Variants in SLC25A44 observed in about 807,000 individuals in gnomAD.
The protein encoded by SLC25A44 is solute carrier family 25 member 44.
A neutral mutation model predicts 29.9 loss-of-function variants in SLC25A44; 17 were observed. The ratio of observed to expected loss-of-function variants is 0.57; its 90% CI spans 0.39 to 0.85. The LOEUF (loss-of-function observed/expected upper bound fraction) is 0.85, where lower values mean the gene tolerates loss of function less well. Among genes scored for constraint, SLC25A44 ranks in the 40% least tolerant of loss-of-function variants. The pLI, the probability that SLC25A44 is intolerant of heterozygous loss-of-function variation, is 0.00. For missense variants in SLC25A44, 302 were observed against 398.4 expected (o/e 0.76, Z 2.06); for synonymous variants, 140 against 151.8 (o/e 0.92, Z 0.57).
Position 156,200,078 on chromosome 1 carries a change from C to G in SLC25A44, c.231C>G (p.Phe77Leu). The change falls in exon 2 of 4, where the codon TTC becomes TTG. Residue 77 changes from phenylalanine to leucine, a missense_variant. Phe to Leu is a conservative substitution (Grantham distance 22). Transcript: ENST00000359511. ...ADGITGLYRG[F>L]LVNTFTLISG... Reference sequence around the variant, plus strand: ...GTATCACTGGCCTCTACCGAGGGTTCCTGGTCAATACCTTCACCCTCATCT... The same window carrying G: ...GTATCACTGGCCTCTACCGAGGGTTGCTGGTCAATACCTTCACCCTCATCT... 5 of 1,614,172 alleles carry G rather than the reference C, an allele frequency of 3.1e-6. No individual in the cohort carries two copies. The highest frequency in any genetic ancestry group is 4.2e-6 in the Non-Finnish European group (5 of 1,180,034).
intron 1 of SLC25A44, among the ~76,000 whole-genome samples, chr1:156,195,322 C>G (rs1337237663): frequency 1.3e-5 from 2 of 152,054 alleles, no homozygotes; most frequent in Non-Finnish European, 2.9e-5. Flanking sequence ...CCAGGATGGT[C>G]TCGATCTCCT....
chr1:156,194,126 G>A lies in SLC25A44; in HGVS notation c.-135G>A, dbSNP rs1474708293. Reference sequence around the variant, plus strand: ...GCAGTACCGGTAGCCCAGTCGAGATGGAGGAAGATGCGACCGGCAGACGGC... The same window carrying A: ...GCAGTACCGGTAGCCCAGTCGAGATAGAGGAAGATGCGACCGGCAGACGGC... On this transcript the variant is annotated 5_prime_UTR_variant, in exon 1 of 4. It removes an upstream start codon present in the reference 5' UTR. Coordinates refer to ENST00000359511, the MANE Select transcript of SLC25A44 (RefSeq NM_014655.4). 3.3e-5 allele frequency: 5 copies of A among 152,830 alleles called. No individual in the cohort carries two copies. Among genetic ancestry groups the A allele is most frequent in the African/African-American group, 2.4e-5 (1 of 41,452 alleles). The allele number at this position is 152,830 out of a possible 1,614,324, so 9.5% of individuals were successfully genotyped here.
rs1558178175 is a variant in SLC25A44, at chr1:156,200,425, A to G, written c.578A>G (p.Tyr193Cys). ...GGCTATGTGGCTTCACTGCTTACCT[A>G]TATCCCAAACAGTGCTGTCTGGTGG... is the stretch of plus-strand genomic sequence containing the variant. ...YRGYVASLLT[Y>C]IPNSAVWWPF... The change falls in exon 2 of 4, where the codon TAT becomes TGT. Residue 193 changes from tyrosine (Y) to cysteine (C), a missense_variant. Physicochemically the swap from Tyr to Cys is radical, Grantham distance 194. Coordinates refer to ENST00000359511, the MANE Select transcript of SLC25A44 (RefSeq NM_014655.4). 4.3e-6 allele frequency: 7 copies of G among 1,613,534 alleles called. No individual in the cohort carries two copies. The highest frequency in any genetic ancestry group is 5.9e-6 in the Non-Finnish European group (7 of 1,179,924).
At chr1:156,207,077 C>T (rs958779395) in intron 2 of SLC25A44, among the ~76,000 whole-genome samples, 5 of 152,270 alleles carry the variant, frequency 3.3e-5, no homozygotes, top group African/African-American at 9.6e-5. Flanking sequence ...GTGGCTCCTA[C>T]CTGTAATTCC....
chr1:156,207,400 T>C (rs549225665), intron 2 of SLC25A44, among the ~76,000 whole-genome samples: 21 of 152,186 alleles, frequency 1.4e-4, no homozygotes, highest in South Asian at 2.1e-4. Flanking sequence ...AGGATGGTCT[T>C]GATCTCCTGA....
rs1308159882 is a variant in SLC25A44 at position 156,199,927 on chromosome 1, T to C, written c.80T>C (p.Met27Thr). The C allele has an allele frequency of 6.2e-7, 1 of 1,614,032 alleles. No individual in the cohort carries two copies. Among genetic ancestry groups the C allele is most frequent in the Non-Finnish European group, 8.5e-7 (1 of 1,180,028 alleles). ...KKKFYVFGVAMTMMIRVSVYP... is the reference protein window; with the variant it reads ...KKKFYVFGVATTMMIRVSVYP... Reference sequence around the variant, plus strand: ...AAGTTCTACGTGTTTGGTGTGGCAATGACAATGATGATCCGTGTCAGTGTC... The same window carrying C: ...AAGTTCTACGTGTTTGGTGTGGCAACGACAATGATGATCCGTGTCAGTGTC... The change falls in exon 2 of 4, where the codon ATG (methionine) becomes ACG (threonine). Residue 27 changes from methionine to threonine, a missense_variant. Coordinates refer to ENST00000359511, the MANE Select transcript of SLC25A44 (RefSeq NM_014655.4).
chr1:156,211,056 TTGTGTG>T lies in SLC25A44; in HGVS notation c.*665_*670del, dbSNP rs58631766. On this transcript the variant is annotated 3_prime_UTR_variant, in exon 4 of 4. Transcript: ENST00000359511. ...TGGGAGAAATGTTGATACTTTTGTT[TTGTGTG>T]TGTGTGTGTGTGTGTGTGTGTGTGT... 535 of 138,974 alleles carry T rather than the reference TTGTGTG, an allele frequency of 3.8e-3. 1 individual carries two copies. Among genetic ancestry groups the T allele is most frequent in the East Asian group, 0.012 (55 of 4,624 alleles). The allele number at this position is 138,974 out of a possible 1,614,324, so 8.6% of individuals were successfully genotyped here. A position where few individuals can be genotyped will look rare whatever the true frequency, so the allele number is the denominator to read the frequency against.
chr1:156,194,538 G>A (rs1474892741), intron 1 of SLC25A44, among the ~76,000 whole-genome samples: 4 of 152,192 alleles, frequency 2.6e-5, no homozygotes, highest in African/African-American at 7.2e-5. Flanking sequence ...TTGTCATGTG[G>A]TGTCTGTGAT....
Position 156,200,458 on chromosome 1 carries a change from A to G in SLC25A44, c.611A>G (p.Tyr204Cys). The change falls in exon 2 of 4, where the codon TAT (tyrosine) becomes TGT (cysteine). Residue 204 changes from tyrosine to cysteine, a missense_variant. Physicochemically the swap from Tyr to Cys is radical, Grantham distance 194. Coordinates refer to ENST00000359511, the MANE Select transcript of SLC25A44 (RefSeq NM_014655.4). ...IPNSAVWWPF[Y>C]HFYAEQLSYL... ...AACAGTGCTGTCTGGTGGCCCTTCTATCACTTCTATGCAGGTAAGCAGGGG... is the reference window on the plus strand; with the variant it reads ...AACAGTGCTGTCTGGTGGCCCTTCTGTCACTTCTATGCAGGTAAGCAGGGG... 7.5e-6 allele frequency: 12 copies of G among 1,608,502 alleles called. No homozygotes were observed. The highest frequency in any genetic ancestry group is 1.0e-5 in the Non-Finnish European group (12 of 1,177,290).
chr1:156,202,775 C>G (rs998315699), intron 2 of SLC25A44, among the ~76,000 whole-genome samples: 2 of 152,138 alleles, frequency 1.3e-5, no homozygotes, highest in African/African-American at 4.8e-5. Flanking sequence ...GGGGAGGAAA[C>G]TAACATTTAT....
chr1:156,199,080 AG>A (rs1656385565), intron 1 of SLC25A44: 1 of 152,408 alleles, frequency 6.6e-6, no homozygotes, highest in South Asian at 2.1e-4. Flanking sequence ...GGGGAGGTTG[AG>A]GGGGGTGCCC....
chr1:156,199,769 C>A, intron 1 of SLC25A44, 66 bp from the exon 2 acceptor site: 2 of 1,416,252 alleles, frequency 1.4e-6, no homozygotes, highest in East Asian at 2.3e-5. Context: ...CAGAGCCCAG[C>A]CAGAAGGGGA....
rs555257351 is a variant in SLC25A44 at position 156,201,070 on chromosome 1, G to A, written c.625+598G>A. On this transcript the variant is annotated intron_variant, in intron 2 of 3. Coordinates refer to ENST00000359511, the MANE Select transcript of SLC25A44 (RefSeq NM_014655.4). ...AGGCTGGTCTTGAGCTCCTGACCTCGTGATCTGCCCGCCTCGGCCTCCCAA... is the reference window on the plus strand; with the variant it reads ...AGGCTGGTCTTGAGCTCCTGACCTCATGATCTGCCCGCCTCGGCCTCCCAA... Among the ~76,000 whole-genome samples, 3 of 151,974 alleles carry A rather than the reference G, an allele frequency of 2.0e-5. No homozygotes were observed. In the East Asian group the frequency reaches 5.8e-4, roughly 29 times the overall value.
chr1:156,196,961 T>C (rs1656246702), intron 1 of SLC25A44: 1 of 152,250 alleles, frequency 6.6e-6, no homozygotes, highest in Non-Finnish European at 1.5e-5. Flanking sequence ...TCTTGGCTCA[T>C]ATCTGCCTCT....
chr1:156,212,754 G>A lies in SLC25A44; in HGVS notation c.*2323G>A, dbSNP rs1801776. 1.0e-5 allele frequency: 5 copies of A among 502,258 alleles called. No individual in the cohort carries two copies. In the Admixed American group the frequency reaches 1.6e-4, roughly 16 times the overall value. 31.1% of individuals were successfully genotyped at this position (502,258 alleles called of 1,614,324 possible). The stretch of plus-strand genomic sequence containing the variant: ...GTGAATATTCACTGTTGCACTGTAC[G>A]AAGTCTCTGAAATGTAATTAAAAGT... On this transcript the variant is annotated 3_prime_UTR_variant, in exon 4 of 4. Coordinates refer to ENST00000359511, the MANE Select transcript of SLC25A44 (RefSeq NM_014655.4).
At chr1:156,200,887 G>C (rs1451670390) in intron 2 of SLC25A44, among the ~76,000 whole-genome samples, 1 of 133,046 alleles carries the variant, frequency 7.5e-6, no homozygotes, top group Non-Finnish European at 1.5e-5. Flanking sequence ...CTAGGCTGTA[G>C]TGCAGTGGTG....
chr1:156,194,349 T>C (rs1018610774), intron 1 of SLC25A44, 102 bp downstream of exon 1: 1 of 152,704 alleles, frequency 6.5e-6, no homozygotes, highest in Non-Finnish European at 1.5e-5. Flanking sequence ...TGCGGTACCA[T>C]GCAGTTTTGG....
In SLC25A44 at chr1:156,197,058, T is replaced by C. The variant is rs1487587688; in HGVS notation, c.-13-2777T>C. 4.0e-5 allele frequency: 6 copies of C among 151,246 alleles called. No individual in the cohort carries two copies. The East Asian group carries it at 1.2e-3, about 29-fold the overall frequency. 9.4% of individuals were successfully genotyped at this position (151,246 alleles called of 1,614,324 possible). On this transcript the variant is annotated intron_variant, in intron 1 of 3. Coordinates refer to ENST00000359511, the MANE Select transcript of SLC25A44 (RefSeq NM_014655.4). ...CTCATTTATCAGAAGTGTCTAACTG[T>C]ACACAAGTTAAACTGTAAGGATTAC...
At chr1:156,204,297 G>A (rs1428286865) in intron 2 of SLC25A44, among the ~76,000 whole-genome samples, 4 of 151,854 alleles carry the variant, frequency 2.6e-5, no homozygotes, top group South Asian at 2.1e-4. Context: ...ATGAGCCACC[G>A]TGCCCTGTCT....
Sources: gnomAD v4.1 joint callset for allele counts (sites outside exome capture counted in the v4.1 genomes callset) on GRCh38, gnomAD v4.1.1 for gene constraint, MANE v1.5 for transcripts, NCBI Gene and HGNC (gene_info 2026-07-23, HGNC 2026-07-21) for gene names.